MET: variants seen among roughly 807,000 people sequenced by gnomAD.
The protein encoded by MET is hepatocyte growth factor receptor.
Under a neutral mutation model 133.1 loss-of-function variants are expected in MET, and 48 were observed. That is an observed-to-expected ratio of 0.36 (90% CI 0.29 to 0.46). The LOEUF is 0.46. Ranked by LOEUF, MET falls within the 20% of genes least tolerant of loss-of-function variation. The probability of loss-of-function intolerance (pLI) is 1.00; values close to 1 mark genes in which losing one functional copy is unlikely to be tolerated. For missense variants in MET, 1,442 were observed against 1,695.9 expected, an observed-to-expected ratio of 0.85 and a Z score of 2.63; for synonymous variants, 628 against 616.5, an observed-to-expected ratio of 1.02 and a Z score of -0.28.
intron 1 of MET, among the ~76,000 whole-genome samples, chr7:116,681,784 A>G (rs1348454209): frequency 6.6e-6 from 1 of 152,240 alleles, no homozygotes; most frequent in Non-Finnish European, 1.5e-5. Flanking sequence ...TCTGGTTAAT[A>G]CAAAGACAGC....
intron 3 of MET, among the ~76,000 whole-genome samples, chr7:116,734,075 C>G (rs894694888): frequency 6.6e-6 from 1 of 152,112 alleles, no homozygotes; most frequent in Non-Finnish European, 1.5e-5. Context: ...TGGCAACCTC[C>G]CACTTTAATC....
intron 19 of MET, among the ~76,000 whole-genome samples, chr7:116,791,273 C>G (rs946246878): frequency 1.3e-5 from 2 of 152,104 alleles, no homozygotes; most frequent in African/African-American, 4.8e-5. Context: ...TGAGAAACTG[C>G]CAACTATTTT....
chr7:116,771,405 C>G, intron 12 of MET, 93 bp from the exon 13 acceptor site: 2 of 1,399,404 alleles, frequency 1.4e-6, no homozygotes, highest in Non-Finnish European at 1.0e-6. Flanking sequence ...TGGTAATAAC[C>G]AGTTGGTATT....
chr7:116,771,809 A>G (rs749426056), intron 13 of MET, 40 bp from the exon 14 acceptor site: 2 of 1,613,576 alleles, frequency 1.2e-6, no homozygotes, highest in Middle Eastern at 1.7e-4. Context: ...GGCCCATGAT[A>G]GCCGTCTTTA....
At chr7:116,693,842 C>A (rs1439852002) in intron 1 of MET, among the ~76,000 whole-genome samples, 2 of 152,206 alleles carry the variant, frequency 1.3e-5, no homozygotes, top group Admixed American at 6.5e-5. Context: ...CAATAGAGAA[C>A]ATGCATTGAC....
chr7:116,765,624 C>A (rs942277007), intron 11 of MET, among the ~76,000 whole-genome samples: 14 of 152,116 alleles, frequency 9.2e-5, no homozygotes, highest in African/African-American at 3.1e-4. Context: ...GCCAAGGCTT[C>A]AAGTCCCCCA....
chr7:116,719,965 C>T (rs1454053311), intron 2 of MET, among the ~76,000 whole-genome samples: 247 of 151,802 alleles, frequency 1.6e-3, no homozygotes, highest in African/African-American at 5.1e-3. Context: ...ATTGACTTGG[C>T]GATGCGGGCT....
At chr7:116,755,631 G>A in intron 6 of MET, 116 bp downstream of exon 6, 1 of 1,291,662 alleles carries the variant, frequency 7.7e-7, no homozygotes. Flanking sequence ...AAAGGGTCTT[G>A]GCCTGTCACA....
intron 1 of MET, among the ~76,000 whole-genome samples, chr7:116,681,563 G>A (rs1003213873): frequency 6.6e-6 from 1 of 152,180 alleles, no homozygotes; most frequent in African/African-American, 2.4e-5. Flanking sequence ...TGTAGGAATT[G>A]TATTTTTCTA....
intron 1 of MET, among the ~76,000 whole-genome samples, chr7:116,681,444 T>G: frequency 6.6e-6 from 1 of 152,228 alleles, no homozygotes; most frequent in South Asian, 2.1e-4. Context: ...TCTGTAATCC[T>G]TTTCCACTGG....
At chr7:116,716,471 A>G (rs1223953978) in intron 2 of MET, among the ~76,000 whole-genome samples, 3 of 20,092 alleles carry the variant, frequency 1.5e-4, no homozygotes, top group African/African-American at 5.3e-4. Context: ...AAGAAAGAGA[A>G]AGAAAGAAAG....
intron 5 of MET, among the ~76,000 whole-genome samples, chr7:116,752,792 CT>C (rs1793977699): frequency 6.6e-6 from 1 of 152,056 alleles, no homozygotes; most frequent in South Asian, 2.1e-4. Context: ...GAGTGACAGA[CT>C]TCAGTTTTTA....
chr7:116,711,201 T>G (rs1791981059), intron 2 of MET, among the ~76,000 whole-genome samples: 1 of 152,250 alleles, frequency 6.6e-6, no homozygotes, highest in South Asian at 2.1e-4. Context: ...GTTGTTTGTT[T>G]AATGCTGTGT....
chr7:116,787,988 C>G (rs143851859), intron 19 of MET, among the ~76,000 whole-genome samples: 217 of 152,092 alleles, frequency 1.4e-3, no homozygotes, highest in Non-Finnish European at 2.5e-3. Flanking sequence ...TGGACTAAAC[C>G]ATTCATCAAC....
intron 10 of MET, among the ~76,000 whole-genome samples, chr7:116,760,170 C>T (rs1454887572): frequency 6.6e-6 from 1 of 152,154 alleles, no homozygotes; most frequent in African/African-American, 2.4e-5. Context: ...GACCCTTTTG[C>T]TCTAATAAAA....
intron 1 of MET, among the ~76,000 whole-genome samples, chr7:116,683,508 G>A (rs768416838): frequency 6.6e-6 from 1 of 152,156 alleles, no homozygotes; most frequent in African/African-American, 2.4e-5. Context: ...ATCCTGATAG[G>A]ATCTTGAATA....
chr7:116,695,204 C>T (rs1796920740), intron 1 of MET, among the ~76,000 whole-genome samples: 1 of 152,092 alleles, frequency 6.6e-6, no homozygotes, highest in African/African-American at 2.4e-5. Flanking sequence ...TAACTTTTCA[C>T]ATAATATTTA....
intron 19 of MET, among the ~76,000 whole-genome samples, chr7:116,793,885 C>T (rs1007946866): frequency 1.6e-4 from 24 of 151,866 alleles, no homozygotes; most frequent in Admixed American, 9.2e-4. Context: ...GGCAAAAGAG[C>T]GAAACTCCAT....
At chr7:116,757,110 C>T (rs1297427786) in intron 6 of MET, among the ~76,000 whole-genome samples, 1 of 151,838 alleles carries the variant, frequency 6.6e-6, no homozygotes. Context: ...GATGCCGTGG[C>T]ATGCACCTCT....
Sources: gnomAD v4.1 joint callset for allele counts (sites outside exome capture counted in the v4.1 genomes callset) on GRCh38, gnomAD v4.1.1 for gene constraint, MANE v1.5 for transcripts, NCBI Gene and HGNC (gene_info 2026-07-23, HGNC 2026-07-21) for gene names.